Variants in ADGRL3 observed in about 807,000 individuals in gnomAD.
ADGRL3 encodes adhesion G protein-coupled receptor L3.
ADGRL3 carries 62 observed loss-of-function variants against 153.5 expected under a neutral mutation model. The ratio of observed to expected loss-of-function variants is 0.40; its 90% CI spans 0.33 to 0.50. The LOEUF is 0.50. ADGRL3 is among the 20% of genes least tolerant of loss of function. The pLI is 0.47. For synonymous variants in ADGRL3, 710 were observed against 672.5 expected (o/e 1.06, Z -0.86); for missense variants, 1,641 against 1,859.4 (o/e 0.88, Z 2.16).
At chr4:62,021,324 C>T (rs950530764) in intron 21 of ADGRL3, among the ~76,000 whole-genome samples, 3 of 152,102 alleles carry the variant, frequency 2.0e-5, no homozygotes, top group Admixed American at 6.6e-5. Flanking sequence ...CAGAAGAGGG[C>T]TATGAGGTGC....
intron 5 of ADGRL3, among the ~76,000 whole-genome samples, chr4:61,605,906 A>C (rs999768298): frequency 2.6e-5 from 4 of 152,204 alleles, no homozygotes; most frequent in African/African-American, 9.6e-5. Flanking sequence ...TCAGCCAGGA[A>C]TCATACTAAA....
rs1203029363 is a variant in ADGRL3, at chr4:62,006,032, A to ATATT, written c.3395+7768_3395+7769insATTT. On this transcript the variant is annotated intron_variant, in intron 21 of 26. Coordinates refer to ENST00000683033, the MANE Select transcript of ADGRL3 (RefSeq NM_001387552.1). The stretch of plus-strand genomic sequence containing the variant: ...TATATATATATATATATATATATAT[A>ATATT]TTTTTTTTTTTTTTTGAGAAAGGGT... Among the ~76,000 whole-genome samples, 654 of 72,998 alleles carry ATATT rather than the reference A, an allele frequency of 9.0e-3. 24 individuals carry two copies. The highest frequency in any genetic ancestry group is 0.027 in the Middle Eastern group (2 of 74). 47.9% of individuals were successfully genotyped at this position (72,998 alleles called of 152,430 possible).
chr4:61,900,912 C>A (rs1228609297), intron 11 of ADGRL3, among the ~76,000 whole-genome samples: 1 of 152,166 alleles, frequency 6.6e-6, no homozygotes, highest in Admixed American at 6.5e-5. Context: ...GCAAAATACC[C>A]GATTTCTCAC....
intron 5 of ADGRL3, among the ~76,000 whole-genome samples, chr4:61,642,730 C>T (rs2093743233): frequency 1.3e-5 from 2 of 152,090 alleles, no homozygotes; most frequent in South Asian, 2.1e-4. Context: ...GTGATGCCTC[C>T]AGCTTTGTTC....
chr4:61,885,672 A>G (rs886944729), intron 9 of ADGRL3, among the ~76,000 whole-genome samples: 1 of 152,188 alleles, frequency 6.6e-6, no homozygotes, highest in Non-Finnish European at 1.5e-5. Flanking sequence ...ATTTTTACAT[A>G]TGTTCACATA....
intron 17 of ADGRL3, among the ~76,000 whole-genome samples, chr4:61,973,497 ATG>A (rs2150707575): frequency 6.6e-6 from 1 of 152,292 alleles, no homozygotes; most frequent in African/African-American, 2.4e-5. Flanking sequence ...TTTCAAATAT[ATG>A]AATAGAAATT....
At chr4:61,495,923 T>C (rs987072333) in intron 2 of ADGRL3, among the ~76,000 whole-genome samples, 1 of 152,228 alleles carries the variant, frequency 6.6e-6, no homozygotes, top group Admixed American at 6.5e-5. Context: ...TTTGTATCTA[T>C]ATGCTTACTG....
chr4:62,072,456 G>C lies in ADGRL3; in HGVS notation c.*1548G>C, dbSNP rs904415352. The C allele has an allele frequency of 6.6e-6, 1 of 152,612 alleles. No individual in the cohort carries two copies. Among genetic ancestry groups the C allele is most frequent in the Admixed American group, 6.6e-5 (1 of 15,266 alleles). The allele number at this position is 152,612 out of a possible 1,614,324, so 9.5% of individuals were successfully genotyped here. ...GAGATTTAGAAGATATTGTATTGAT[G>C]TATGTACTATATGATTAATCAGTCT... is the stretch of plus-strand genomic sequence containing the variant. On this transcript the variant is annotated 3_prime_UTR_variant, in exon 27 of 27. Coordinates refer to ENST00000683033, the MANE Select transcript of ADGRL3 (RefSeq NM_001387552.1).
intron 21 of ADGRL3, among the ~76,000 whole-genome samples, chr4:62,002,773 G>C (rs1000678053): frequency 8.6e-5 from 13 of 151,974 alleles, no homozygotes; most frequent in Admixed American, 6.6e-5. Context: ...TATTCTCATT[G>C]AGTTTCTGAC....
At chr4:61,806,824 G>A (rs1387037446) in intron 8 of ADGRL3, among the ~76,000 whole-genome samples, 2 of 151,780 alleles carry the variant, frequency 1.3e-5, no homozygotes, top group Non-Finnish European at 2.9e-5. Context: ...TATATAATAC[G>A]ATGAATCGTA....
intron 13 of ADGRL3, among the ~76,000 whole-genome samples, chr4:61,934,523 C>A (rs1328927750): frequency 1.3e-5 from 2 of 151,954 alleles, no homozygotes; most frequent in Non-Finnish European, 2.9e-5. Flanking sequence ...CAACAGTTCC[C>A]CAGCCAAATA....
At chr4:61,982,153 C>T (rs778549656) in intron 18 of ADGRL3, among the ~76,000 whole-genome samples, 3 of 152,070 alleles carry the variant, frequency 2.0e-5, no homozygotes, top group Non-Finnish European at 4.4e-5. Flanking sequence ...CATTTAGAGA[C>T]CTTATTCTTA....
intron 2 of ADGRL3, among the ~76,000 whole-genome samples, chr4:61,472,649 TC>T (rs2097975650): frequency 6.6e-6 from 1 of 152,030 alleles, no homozygotes; most frequent in African/African-American, 2.4e-5. Flanking sequence ...TAGAATGCAA[TC>T]ATGAACCAAT....
chr4:61,388,238 A>G (rs1040982515), intron 2 of ADGRL3, among the ~76,000 whole-genome samples: 23 of 152,270 alleles, frequency 1.5e-4, no homozygotes, highest in Middle Eastern at 6.8e-3. Context: ...CCTCACCTGC[A>G]TAAGTGGGTT....
intron 25 of ADGRL3, among the ~76,000 whole-genome samples, chr4:62,046,255 A>G (rs919263612): frequency 3.3e-5 from 5 of 151,976 alleles, no homozygotes; most frequent in Non-Finnish European, 4.4e-5. Context: ...GATGAATTGT[A>G]TGTATATTAG....
intron 19 of ADGRL3, among the ~76,000 whole-genome samples, chr4:61,994,251 C>T (rs2099113998): frequency 6.6e-6 from 1 of 152,072 alleles, no homozygotes; most frequent in African/African-American, 2.4e-5. Context: ...GGGCTCAAGC[C>T]ATCCTTCCAC....
At chr4:61,492,051 A>T (rs2098264687) in intron 2 of ADGRL3, among the ~76,000 whole-genome samples, 1 of 152,170 alleles carries the variant, frequency 6.6e-6, no homozygotes, top group Non-Finnish European at 1.5e-5. Context: ...AAACAAAAAC[A>T]TTGCTTAATG....
intron 5 of ADGRL3, among the ~76,000 whole-genome samples, chr4:61,655,175 ATG>A (rs1229945117): frequency 2.0e-5 from 3 of 152,096 alleles, no homozygotes; most frequent in Non-Finnish European, 4.4e-5. Context: ...CCTATCAAGT[ATG>A]GGTACAATTA....
chr4:61,373,616 C>T (rs927882523), intron 1 of ADGRL3, among the ~76,000 whole-genome samples: 1 of 152,070 alleles, frequency 6.6e-6, no homozygotes, highest in Non-Finnish European at 1.5e-5. Context: ...AAAAATAATG[C>T]AATACTTTAA....
Sources: gnomAD v4.1 joint callset for allele counts (sites outside exome capture counted in the v4.1 genomes callset) on GRCh38, gnomAD v4.1.1 for gene constraint, MANE v1.5 for transcripts, NCBI Gene and HGNC (gene_info 2026-07-23, HGNC 2026-07-21) for gene names.